Variants in CAMTA1 observed in about 807,000 individuals in gnomAD.
The protein encoded by CAMTA1 is calmodulin-binding transcription activator 1.
In CAMTA1, 27 loss-of-function variants were observed where a neutral mutation model predicts 170.9. The observed-to-expected ratio is 0.16, with a 90% confidence interval of 0.12 to 0.22. The LOEUF is 0.22. Among genes scored for constraint, CAMTA1 ranks in the 10% least tolerant of loss-of-function variants. The pLI is 1.00. For synonymous variants in CAMTA1, 833 were observed against 891.5 expected (o/e 0.93, Z 1.17); for missense variants, 1,619 against 2,217.2 (o/e 0.73, Z 5.42).
chr1:7,657,415 T>TCC (rs2095913959), intron 7 of CAMTA1, among the ~76,000 whole-genome samples: 1 of 152,174 alleles, frequency 6.6e-6, no homozygotes, highest in Admixed American at 6.5e-5. Flanking sequence ...GGGACAGATG[T>TCC]GACCCAGAGC....
intron 11 of CAMTA1, among the ~76,000 whole-genome samples, chr1:7,728,529 A>G (rs1188861363): frequency 6.6e-6 from 1 of 152,216 alleles, no homozygotes; most frequent in Non-Finnish European, 1.5e-5. Context: ...ACCAGATGCA[A>G]GATTTGTAGA....
At chr1:7,102,836 G>A (rs932803018) in intron 4 of CAMTA1, among the ~76,000 whole-genome samples, 1 of 152,102 alleles carries the variant, frequency 6.6e-6, no homozygotes, top group African/African-American at 2.4e-5. Context: ...TGGGTTATGA[G>A]CGAGCCCTTT....
chr1:7,586,457 C>T (rs890750023), intron 6 of CAMTA1, among the ~76,000 whole-genome samples: 1 of 152,136 alleles, frequency 6.6e-6, no homozygotes, highest in Admixed American at 6.5e-5. Flanking sequence ...TGCAGCCACA[C>T]CGAACCTCCT....
intron 2 of CAMTA1, among the ~76,000 whole-genome samples, chr1:6,821,160 C>T (rs1328778744): frequency 6.6e-6 from 1 of 152,122 alleles, no homozygotes; most frequent in Non-Finnish European, 1.5e-5. Context: ...TTATATTTTT[C>T]TACTTAAAAA....
At chr1:7,245,407 A>G (rs1340335918) in intron 4 of CAMTA1, among the ~76,000 whole-genome samples, 1 of 151,694 alleles carries the variant, frequency 6.6e-6, no homozygotes, top group East Asian at 1.9e-4. Flanking sequence ...TATATAATAC[A>G]TATAACAGAT....
At chr1:7,276,299 A>ATTTTTTT (rs1440153127) in intron 5 of CAMTA1, among the ~76,000 whole-genome samples, 1 of 21,398 alleles carries the variant, frequency 4.7e-5, no homozygotes, top group African/African-American at 4.9e-4. Context: ...ATATATATAT[A>ATTTTTTT]TATATTTTTT....
chr1:7,488,940 T>C (rs974369610), intron 6 of CAMTA1, among the ~76,000 whole-genome samples: 4 of 151,774 alleles, frequency 2.6e-5, no homozygotes, highest in African/African-American at 9.7e-5. Context: ...TCACACACAA[T>C]ACACATTCAC....
chr1:7,019,473 G>C (rs575205422), intron 3 of CAMTA1, among the ~76,000 whole-genome samples: 1 of 152,312 alleles, frequency 6.6e-6, no homozygotes, highest in Admixed American at 6.5e-5. Context: ...CCTGGTGGTG[G>C]GGCAGGGGTC....
chr1:7,353,486 C>T (rs2084853259), intron 5 of CAMTA1, among the ~76,000 whole-genome samples: 1 of 146,552 alleles, frequency 6.8e-6, no homozygotes, highest in Non-Finnish European at 1.5e-5. Flanking sequence ...AGTGCAATGG[C>T]ATGATCGTGG....
chr1:7,759,987 A>G (rs984411076), intron 22 of CAMTA1, among the ~76,000 whole-genome samples: 1 of 152,206 alleles, frequency 6.6e-6, no homozygotes, highest in African/African-American at 2.4e-5. Flanking sequence ...ACGAGACACT[A>G]TTTCTGTGAG....
chr1:7,580,245 C>G lies in CAMTA1; in HGVS notation c.511-60155C>G, dbSNP rs1010478453. ...GAAGGAGGGCTCCCTCCCCCTGGGGCTGTGGAGGCTGAGGCTCCTGGGGGG... is the reference window on the plus strand; with the variant it reads ...GAAGGAGGGCTCCCTCCCCCTGGGGGTGTGGAGGCTGAGGCTCCTGGGGGG... On this transcript the variant is annotated intron_variant, in intron 6 of 22. Coordinates refer to ENST00000303635, the MANE Select transcript of CAMTA1 (RefSeq NM_015215.4). The surrounding 1 kb of genome is among the most constrained non-coding windows in gnomAD (Gnocchi z 4.3). Among the ~76,000 whole-genome samples, 2 of 152,170 alleles carry G rather than the reference C, an allele frequency of 1.3e-5. No homozygotes were observed. The highest frequency in any genetic ancestry group is 4.8e-5 in the African/African-American group (2 of 41,446).
Position 7,155,481 on chromosome 1 carries a change from G to T in CAMTA1, c.302+64110G>T, listed in dbSNP as rs189481206. On this transcript the variant is annotated intron_variant, in intron 4 of 22. Transcript: ENST00000303635. ...AATAAGGAGGCCAATATCTAGGCCTGACCTGTCATTAACGAGCCATGAGGC... is the reference window on the plus strand; with the variant it reads ...AATAAGGAGGCCAATATCTAGGCCTTACCTGTCATTAACGAGCCATGAGGC... Among the ~76,000 whole-genome samples, 226 of 151,534 alleles carry T rather than the reference G, an allele frequency of 1.5e-3. 4 individuals are homozygous for T. The South Asian group carries it at 0.03, about 20-fold the overall frequency.
rs1202522287 is a variant in CAMTA1 at position 6,926,534 on chromosome 1, CTCTT to C, written c.234+101331_234+101334del. ...CTTCCTTCCTTCTTTCTTTCTCTCT[CTCTT>C]TCTTTCCTTCCTTCCTTCCTTCTTT... On this transcript the variant is annotated intron_variant, in intron 3 of 22. Coordinates refer to ENST00000303635, the MANE Select transcript of CAMTA1 (RefSeq NM_015215.4). Among the ~76,000 whole-genome samples the C allele has an allele frequency of 2.0e-3, 266 of 132,036 alleles. 3 individuals carry two copies. The highest frequency in any genetic ancestry group is 7.6e-3 in the East Asian group (35 of 4,588). 86.6% of individuals were successfully genotyped at this position (132,036 alleles called of 152,430 possible).
At chr1:7,106,165 C>T (rs1414612787) in intron 4 of CAMTA1, among the ~76,000 whole-genome samples, 1 of 152,040 alleles carries the variant, frequency 6.6e-6, no homozygotes, top group Non-Finnish European at 1.5e-5. Flanking sequence ...CTGCTTACAA[C>T]TTGCAAAACC....
intron 1 of CAMTA1, among the ~76,000 whole-genome samples, chr1:6,788,127 C>T (rs944742092): frequency 1.3e-5 from 2 of 152,122 alleles, no homozygotes; most frequent in African/African-American, 4.8e-5. Context: ...TGAGCCCTGT[C>T]GGCTCTAGTC....
chr1:6,915,398 C>T (rs1000557303), intron 3 of CAMTA1, among the ~76,000 whole-genome samples: 1 of 152,166 alleles, frequency 6.6e-6, no homozygotes, highest in African/African-American at 2.4e-5. Flanking sequence ...TATAATTTCC[C>T]TGTCCTGTCT....
At chr1:7,654,793 A>C (rs1245184380) in intron 7 of CAMTA1, among the ~76,000 whole-genome samples, 3 of 77,866 alleles carry the variant, frequency 3.9e-5, no homozygotes, top group Non-Finnish European at 8.5e-5. Flanking sequence ...ATACCCACAC[A>C]CCTATACACA....
chr1:7,205,109 G>A (rs1296174493), intron 4 of CAMTA1, among the ~76,000 whole-genome samples: 5 of 151,826 alleles, frequency 3.3e-5, no homozygotes, highest in African/African-American at 7.3e-5. Flanking sequence ...GATTACAGGC[G>A]TGAGCCACCG....
At chr1:6,952,550 A>C (rs1434789693) in intron 3 of CAMTA1, among the ~76,000 whole-genome samples, 2 of 151,748 alleles carry the variant, frequency 1.3e-5, no homozygotes, top group East Asian at 3.9e-4. Context: ...AAAAACAACT[A>C]TTTGGCCAGG....
Sources: allele counts gnomAD v4.1 joint callset (sites outside exome capture counted in the v4.1 genomes callset), GRCh38; gene constraint gnomAD v4.1.1; non-coding constraint Gnocchi (gnomAD v3.1); transcripts MANE v1.5; gene names NCBI Gene and HGNC (gene_info 2026-07-23, HGNC 2026-07-21).